Variants in FMN1 observed in about 807,000 individuals in gnomAD.
FMN1 encodes formin-1.
Under a neutral mutation model 132.4 loss-of-function variants are expected in FMN1, and 110 were observed. The observed-to-expected ratio is 0.83, with a 90% CI of 0.71 to 0.97. FMN1 has a LOEUF of 0.97. Ranked by LOEUF, FMN1 falls within the 50% of genes least tolerant of loss-of-function variation. The pLI is 0.00. For missense variants in FMN1, 1,792 were observed against 1,705.3 expected (o/e 1.05, Z -0.90); for synonymous variants, 722 against 651.7 (o/e 1.11, Z -1.64).
chr15:32,949,121 ATAAT>A (rs1194921385), intron 9 of FMN1, among the ~76,000 whole-genome samples: 1 of 152,092 alleles, frequency 6.6e-6, no homozygotes, highest in Non-Finnish European at 1.5e-5. Flanking sequence ...AAATTCCATT[ATAAT>A]TACTTTCTTA....
intron 17 of FMN1, among the ~76,000 whole-genome samples, chr15:32,809,344 C>A (rs527594617): frequency 6.6e-6 from 1 of 152,276 alleles, no homozygotes; most frequent in African/African-American, 2.4e-5. Flanking sequence ...AAATTCAATT[C>A]TCTTTGTTGC....
chr15:32,822,766 T>A (rs1176761924), intron 17 of FMN1, among the ~76,000 whole-genome samples: 1 of 152,230 alleles, frequency 6.6e-6, no homozygotes, highest in Non-Finnish European at 1.5e-5. Context: ...AATTTTAATT[T>A]CTATATTCTC....
At chr15:32,910,619 G>T in intron 10 of FMN1, 84 bp from the exon 11 acceptor site, 1 of 998,640 alleles carries the variant, frequency 1.0e-6, no homozygotes, top group Non-Finnish European at 1.5e-6. Flanking sequence ...CAGCTTCCAA[G>T]CAATTAACAG....
chr15:33,114,412 A>G (rs918275270), intron 4 of FMN1, among the ~76,000 whole-genome samples: 4 of 152,246 alleles, frequency 2.6e-5, no homozygotes, highest in African/African-American at 9.6e-5. Flanking sequence ...TGATAAAAAT[A>G]TGAATATTTT....
intron 5 of FMN1, among the ~76,000 whole-genome samples, chr15:33,077,863 T>C (rs2038283806): frequency 6.7e-6 from 1 of 150,258 alleles, no homozygotes; most frequent in African/African-American, 2.4e-5. Flanking sequence ...AAGATATTTA[T>C]GCAGCCAAAA....
rs1478232856 is a variant in FMN1 at position 32,770,398 on chromosome 15, G to GC, written c.*3911_*3912insG. 1 of 84,192 alleles carries GC rather than the reference G, an allele frequency of 1.2e-5. No homozygotes were observed. The highest frequency in any genetic ancestry group is 3.1e-5 in the Non-Finnish European group (1 of 32,408). 5.2% of individuals were successfully genotyped at this position (84,192 alleles called of 1,614,324 possible). A position where few individuals can be genotyped will look rare whatever the true frequency, so the allele number is the denominator to read the frequency against. On this transcript the variant is annotated 3_prime_UTR_variant, in exon 21 of 21. Coordinates refer to ENST00000616417, the MANE Select transcript of FMN1 (RefSeq NM_001277313.2). The stretch of plus-strand genomic sequence containing the variant: ...GTATCATTAAAATGAAAATTTCTCT[G>GC]TTGCAAACATCATAGAGAAAATGTG...
chr15:33,126,761 A>G (rs1963119519), intron 4 of FMN1, among the ~76,000 whole-genome samples: 1 of 151,658 alleles, frequency 6.6e-6, no homozygotes, highest in Admixed American at 6.6e-5. Flanking sequence ...AGGAGGGAAG[A>G]CAGATTACTG....
At chr15:32,845,450 T>G (rs72717679) in intron 17 of FMN1, among the ~76,000 whole-genome samples, 2,458 of 152,356 alleles carry the variant, frequency 0.016, 52 homozygotes, top group East Asian at 0.073. Flanking sequence ...TCTACTATTC[T>G]GATACTTTTC....
chr15:32,900,674 A>C (rs1224138020), intron 13 of FMN1, among the ~76,000 whole-genome samples: 1 of 152,170 alleles, frequency 6.6e-6, no homozygotes, highest in East Asian at 1.9e-4. Flanking sequence ...TATTAAACTT[A>C]CTTTATTAAG....
chr15:32,938,653 C>T (rs1000853142), intron 9 of FMN1, among the ~76,000 whole-genome samples: 1 of 152,158 alleles, frequency 6.6e-6, no homozygotes, highest in Non-Finnish European at 1.5e-5. Flanking sequence ...ATAATATGCC[C>T]ATTTGAAAAT....
chr15:32,823,070 A>G (rs572277911), intron 17 of FMN1, among the ~76,000 whole-genome samples: 2 of 150,614 alleles, frequency 1.3e-5, no homozygotes, highest in Non-Finnish European at 2.9e-5. Flanking sequence ...TCATATCCTG[A>G]GCTACCCAAG....
intron 6 of FMN1, among the ~76,000 whole-genome samples, chr15:33,015,705 TAA>T (rs59255534): frequency 1.6e-3 from 246 of 150,226 alleles, no homozygotes; most frequent in African/African-American, 5.8e-3. Flanking sequence ...ATATGTGACT[TAA>T]AAAAAAAAAT....
intron 5 of FMN1, among the ~76,000 whole-genome samples, chr15:33,065,990 T>C (rs1044656192): frequency 2.0e-5 from 3 of 152,190 alleles, no homozygotes; most frequent in African/African-American, 2.4e-5. Context: ...AGCCAGTAAA[T>C]GGCAGAATTA....
At chr15:32,833,304 A>G (rs1397274616) in intron 17 of FMN1, among the ~76,000 whole-genome samples, 2 of 152,130 alleles carry the variant, frequency 1.3e-5, no homozygotes, top group Admixed American at 6.5e-5. Flanking sequence ...ACTGATAGGG[A>G]GGAAAGGGCT....
Position 33,191,169 on chromosome 15 carries a change from C to CAA in FMN1, c.-197+2738_-197+2739dup, listed in dbSNP as rs34891602. Among the ~76,000 whole-genome samples the CAA allele has an allele frequency of 5.0e-3, 639 of 127,806 alleles. 3 individuals are homozygous for CAA. Among genetic ancestry groups the CAA allele is most frequent in the Middle Eastern group, 0.025 (6 of 242 alleles). The allele number at this position is 127,806 out of a possible 152,430, so 83.8% of individuals were successfully genotyped here. ...TGGGCAACAGAGCGAGACTCCATCT[C>CAA]AAAAAAAAAAAAAAAGTCCTGGCTA... On this transcript the variant is annotated intron_variant, in intron 2 of 20. Transcript: ENST00000616417.
chr15:33,193,891 G>T lies in FMN1; in HGVS notation c.-197+18C>A, dbSNP rs1275130850. 1.3e-5 allele frequency: 2 copies of T among 151,844 alleles called. No individual in the cohort carries two copies. Among genetic ancestry groups the T allele is most frequent in the Admixed American group, 6.6e-5 (1 of 15,234 alleles). 9.4% of individuals were successfully genotyped at this position (151,844 alleles called of 1,614,324 possible). ...TTTGGTGGTGGGGGAGGGGGTTGGG[G>T]GATCCGTCAGCACTTACATGCCTTT... On this transcript the variant is annotated intron_variant, in intron 2 of 20. Transcript: ENST00000616417.
intron 16 of FMN1, among the ~76,000 whole-genome samples, 179 bp from the exon 17 acceptor site, chr15:32,857,286 C>T (rs894863742): frequency 1.3e-5 from 2 of 152,080 alleles, no homozygotes; most frequent in Non-Finnish European, 2.9e-5. Flanking sequence ...ATAAACAAAC[C>T]AACAAAAATA....
chr15:33,017,650 CAT>C (rs1260218115), intron 6 of FMN1, among the ~76,000 whole-genome samples: 2 of 152,164 alleles, frequency 1.3e-5, no homozygotes, highest in Non-Finnish European at 2.9e-5. Flanking sequence ...TCATTCAACA[CAT>C]AAGAATTTCT....
intron 4 of FMN1, among the ~76,000 whole-genome samples, chr15:33,148,665 C>T (rs542277612): frequency 6.6e-6 from 1 of 151,144 alleles, no homozygotes; most frequent in South Asian, 2.1e-4. Flanking sequence ...TGTCTGGGCT[C>T]CAGTGACCAC....
Sources: allele counts gnomAD v4.1 joint callset (sites outside exome capture counted in the v4.1 genomes callset), GRCh38; gene constraint gnomAD v4.1.1; transcripts MANE v1.5; gene names NCBI Gene and HGNC (gene_info 2026-07-23, HGNC 2026-07-21).